Variants in SHTN1 observed in about 807,000 individuals in gnomAD.
SHTN1 encodes shootin 1, also known as shootin-1.
Under a neutral mutation model 83.1 loss-of-function variants are expected in SHTN1, and 42 were observed. The observed-to-expected ratio is 0.51, with a 90% CI of 0.39 to 0.65. The LOEUF is 0.65. Among genes scored for constraint, SHTN1 ranks in the 30% least tolerant of loss-of-function variants. SHTN1 has a pLI of 0.00. For synonymous variants in SHTN1, 224 were observed against 247.7 expected (o/e 0.90, Z 0.90); for missense variants, 622 against 737.8 (o/e 0.84, Z 1.82).
At chr10:116,897,380 C>T (rs1847560393) in intron 16 of SHTN1, among the ~76,000 whole-genome samples, 1 of 152,136 alleles carries the variant, frequency 6.6e-6, no homozygotes, top group African/African-American at 2.4e-5. Flanking sequence ...AACAGCTTTA[C>T]CAAGTGAACA....
At chr10:117,068,603 G>C (rs1394452805) in intron 1 of SHTN1, among the ~76,000 whole-genome samples, 2 of 149,334 alleles carry the variant, frequency 1.3e-5, no homozygotes, top group East Asian at 4.0e-4. Flanking sequence ...GACAGAGTGA[G>C]ACTCCATCTG....
upstream of SHTN1, among the ~76,000 whole-genome samples, chr10:117,006,367 C>T (rs1852009776): frequency 6.6e-6 from 1 of 151,248 alleles, no homozygotes; most frequent in African/African-American, 2.4e-5. Flanking sequence ...GAGATCGAGA[C>T]CATCCTGGCT....
intron 1 of SHTN1, among the ~76,000 whole-genome samples, chr10:117,075,534 G>A (rs1853139567): frequency 6.6e-6 from 1 of 152,194 alleles, no homozygotes; most frequent in Non-Finnish European, 1.5e-5. Context: ...ATCTACTAGG[G>A]AATACAAACT....
intron 1 of SHTN1, among the ~76,000 whole-genome samples, chr10:117,079,046 T>A (rs1459675915): frequency 2.0e-5 from 3 of 152,102 alleles, no homozygotes; most frequent in African/African-American, 7.2e-5. Flanking sequence ...TTATTTATTT[T>A]TTTATTATTA....
At chr10:116,895,956 A>C (rs1357212609) in intron 16 of SHTN1, among the ~76,000 whole-genome samples, 19 of 152,200 alleles carry the variant, frequency 1.2e-4, no homozygotes, top group Admixed American at 1.2e-3. Flanking sequence ...ACAACACAGA[A>C]GCAAATTCCA....
At position 116,881,560 on chromosome 10, in the gene SHTN1, A is replaced by C; in HGVS notation, c.*4784T>G. Reference sequence around the variant, plus strand: ...TTTTTTTACTTTAATGAGGAAGCTGAAAAGGCTGCGGAGGCACTTGAGGCT... The same window carrying C: ...TTTTTTTACTTTAATGAGGAAGCTGCAAAGGCTGCGGAGGCACTTGAGGCT... On this transcript the variant is annotated 3_prime_UTR_variant, in exon 17 of 17. Transcript: ENST00000355371. 2 of 1,548,044 alleles carry C rather than the reference A, an allele frequency of 1.3e-6. No individual in the cohort carries two copies. Among genetic ancestry groups the C allele is most frequent in the Non-Finnish European group, 1.7e-6 (2 of 1,146,188 alleles).
At chr10:117,044,956 C>CAT (rs947749168) in intron 2 of SHTN1, among the ~76,000 whole-genome samples, 2 of 152,050 alleles carry the variant, frequency 1.3e-5, no homozygotes, top group Non-Finnish European at 2.9e-5. Context: ...TTAATATGTG[C>CAT]ATATATATGC....
At chr10:117,039,761 G>A in intron 2 of SHTN1, among the ~76,000 whole-genome samples, 1 of 151,606 alleles carries the variant, frequency 6.6e-6, no homozygotes, top group Non-Finnish European at 1.5e-5. Flanking sequence ...GCTGAGGTGG[G>A]AGAATGGCTT....
At chr10:116,996,392 G>A (rs1851627648) in intron 1 of SHTN1, among the ~76,000 whole-genome samples, 1 of 152,218 alleles carries the variant, frequency 6.6e-6, no homozygotes, top group South Asian at 2.1e-4. Context: ...GGCTTTTTCT[G>A]AAGCTATGCA....
chr10:117,105,574 C>T (rs559693640), intron 1 of SHTN1, among the ~76,000 whole-genome samples: 8 of 152,286 alleles, frequency 5.3e-5, no homozygotes, highest in African/African-American at 1.2e-4. Flanking sequence ...GCATAGAACC[C>T]GTTTGCTACT....
intron 6 of SHTN1, among the ~76,000 whole-genome samples, chr10:116,950,771 C>A (rs1849748880): frequency 1.3e-5 from 2 of 152,184 alleles, no homozygotes; most frequent in African/African-American, 4.8e-5. Flanking sequence ...AAAATATCAT[C>A]TTCCTTCTTC....
intron 1 of SHTN1, among the ~76,000 whole-genome samples, chr10:116,997,952 C>T (rs1462660783): frequency 1.3e-5 from 2 of 152,122 alleles, no homozygotes; most frequent in African/African-American, 4.8e-5. Flanking sequence ...ATTAGTCAGG[C>T]ATGGTGGCGG....
chr10:116,989,952 T>G (rs1851360227), intron 1 of SHTN1, among the ~76,000 whole-genome samples: 1 of 152,198 alleles, frequency 6.6e-6, no homozygotes, highest in African/African-American at 2.4e-5. Context: ...CAGGAAATTC[T>G]GGGCCACTTT....
chr10:116,928,256 A>G (rs1848817408), intron 10 of SHTN1, among the ~76,000 whole-genome samples: 1 of 152,228 alleles, frequency 6.6e-6, no homozygotes, highest in East Asian at 1.9e-4. Context: ...AAAAGTGTAC[A>G]GACCAAGAAT....
chr10:117,067,456 G>T (rs562665078), intron 1 of SHTN1, among the ~76,000 whole-genome samples: 3 of 152,146 alleles, frequency 2.0e-5, no homozygotes, highest in South Asian at 2.1e-4. Flanking sequence ...TTAGCCAGAC[G>T]TGGTGGCAGG....
At chr10:116,886,920 G>GC (rs1307510273) in intron 16 of SHTN1, among the ~76,000 whole-genome samples, 1 of 143,430 alleles carries the variant, frequency 7.0e-6, no homozygotes, top group African/African-American at 2.5e-5. Flanking sequence ...ACCCCCACCC[G>GC]CCCTCACTTA....
In SHTN1 at chr10:116,899,992, G is replaced by T. The variant is rs1377398968; in HGVS notation, c.1673+1773C>A. Among the ~76,000 whole-genome samples, 3 of 152,124 alleles carry T rather than the reference G, an allele frequency of 2.0e-5. No individual in the cohort carries two copies. The South Asian group carries it at 6.2e-4, about 32-fold the overall frequency. On this transcript the variant is annotated intron_variant, in intron 16 of 16. Coordinates refer to ENST00000355371, the MANE Select transcript of SHTN1 (RefSeq NM_001127211.3). ...TTAAAATTCTTTTAGTCATTAAAAG[G>T]TTTAAACATTAAATGAATGAAGTGT... is the stretch of plus-strand genomic sequence containing the variant.
intron 1 of SHTN1, among the ~76,000 whole-genome samples, chr10:116,998,834 C>T (rs1851725122): frequency 1.3e-5 from 2 of 152,144 alleles, no homozygotes; most frequent in African/African-American, 4.8e-5. Flanking sequence ...GTTCTGGGCT[C>T]TAGATGTGCT....
chr10:116,945,216 TAC>T (rs1411638176), intron 7 of SHTN1, among the ~76,000 whole-genome samples, 198 bp from the exon 8 acceptor site: 1 of 152,202 alleles, frequency 6.6e-6, no homozygotes, highest in Admixed American at 6.5e-5. Flanking sequence ...AAACTATTCA[TAC>T]ACTTTGAATA....
Sources: allele counts gnomAD v4.1 joint callset (sites outside exome capture counted in the v4.1 genomes callset), GRCh38; gene constraint gnomAD v4.1.1; transcripts MANE v1.5; gene names NCBI Gene and HGNC (gene_info 2026-07-23, HGNC 2026-07-21).